Variants in KDM5A observed in about 807,000 individuals in gnomAD.
KDM5A encodes lysine demethylase 5A.
KDM5A carries 42 observed loss-of-function variants against 193.5 expected under a neutral mutation model. The observed-to-expected ratio is 0.22, with a 90% CI of 0.17 to 0.28. KDM5A has a LOEUF of 0.28. Ranked by LOEUF, KDM5A falls within the 10% of genes least tolerant of loss-of-function variation. The probability of loss-of-function intolerance (pLI) is 1.00; values close to 1 mark genes in which losing one functional copy is unlikely to be tolerated. For missense variants in KDM5A, 1,692 were observed against 2,055.1 expected (o/e 0.82, Z 3.42); for synonymous variants, 796 against 718.1 (o/e 1.11, Z -1.73).
Position 357,827 on chromosome 12 carries a change from CAAAAAAA to C in KDM5A, c.673-1297_673-1291del, listed in dbSNP as rs61577928. On this transcript the variant is annotated intron_variant, in intron 5 of 27. Transcript: ENST00000399788. ...TGGGCGACAGAGCAAGACTCAGTCTCAAAAAAAAAAAAAAAAAAAAAAAAAAAGCCCT... is the reference window on the plus strand; with the variant it reads ...TGGGCGACAGAGCAAGACTCAGTCTCAAAAAAAAAAAAAAAAAAAAGCCCT... Among the ~76,000 whole-genome samples the C allele has an allele frequency of 6.3e-3, 187 of 29,854 alleles. 2 individuals are homozygous for C. Among genetic ancestry groups the C allele is most frequent in the African/African-American group, 0.023 (113 of 4,972 alleles). 19.6% of individuals were successfully genotyped at this position (29,854 alleles called of 152,430 possible).
intron 3 of KDM5A, among the ~76,000 whole-genome samples, chr12:371,524 G>A (rs1027328921): frequency 6.6e-6 from 1 of 152,102 alleles, no homozygotes; most frequent in South Asian, 2.1e-4. Context: ...CAGATGAGTA[G>A]ACTGCAAAAA....
chr12:299,107 A>C (rs957732020), intron 24 of KDM5A, among the ~76,000 whole-genome samples: 16 of 152,164 alleles, frequency 1.1e-4, no homozygotes, highest in African/African-American at 3.9e-4. Context: ...GAATGGAACC[A>C]ACTTGAAAAA....
chr12:311,877 T>C (rs919058884), intron 20 of KDM5A, among the ~76,000 whole-genome samples: 3 of 152,062 alleles, frequency 2.0e-5, no homozygotes, highest in African/African-American at 4.8e-5. Flanking sequence ...CTACCAAAAA[T>C]ACAAAAATTA....
intron 8 of KDM5A, among the ~76,000 whole-genome samples, chr12:352,991 A>G: frequency 6.6e-6 from 1 of 152,176 alleles, no homozygotes; most frequent in East Asian, 1.9e-4. Flanking sequence ...CAATGACAAC[A>G]CTGTAAGCTT....
intron 3 of KDM5A, among the ~76,000 whole-genome samples, chr12:380,795 A>G (rs1373900556): frequency 2.0e-5 from 3 of 151,390 alleles, no homozygotes; most frequent in Admixed American, 6.6e-5. Flanking sequence ...ATAATTTTTG[A>G]AAAAAAAATT....
rs757659002 is a variant in KDM5A at position 309,956 on chromosome 12, G to A, written c.3225C>T (p.Ser1075=). 4 of 1,612,188 alleles carry A rather than the reference G, an allele frequency of 2.5e-6. No individual in the cohort carries two copies. Among genetic ancestry groups the A allele is most frequent in the Admixed American group, 3.4e-5 (2 of 59,624 alleles). The change falls in exon 22 of 28, where the codon AGC becomes AGT. Residue 1075 remains serine (S), a synonymous_variant. Transcript: ENST00000399788. ...CATATACACCAATGTCGGTCCGGGG[G>A]CTCAGCACCTACAAAAATAAAACCA... The part of the protein sequence containing the change: ...NSSHTLLQVL[S]PRTDIGVYGS...
chr12:346,999 C>T (rs1247169836), intron 10 of KDM5A, among the ~76,000 whole-genome samples: 2 of 152,116 alleles, frequency 1.3e-5, no homozygotes, highest in Non-Finnish European at 1.5e-5. Context: ...GATGACATGA[C>T]TGTATATTTA....
At chr12:377,676 T>G (rs932834555) in intron 3 of KDM5A, among the ~76,000 whole-genome samples, 3 of 152,190 alleles carry the variant, frequency 2.0e-5, no homozygotes, top group Non-Finnish European at 4.4e-5. Context: ...CTAAAAAATG[T>G]ATATCCCATT....
intron 10 of KDM5A, among the ~76,000 whole-genome samples, chr12:336,990 T>C (rs974024874): frequency 9.2e-5 from 14 of 152,178 alleles, no homozygotes; most frequent in African/African-American, 3.4e-4. Flanking sequence ...CCAAATCTCA[T>C]GTTGAATTGG....
At chr12:324,867 C>A (rs1421655462) in intron 14 of KDM5A, among the ~76,000 whole-genome samples, 8 of 150,136 alleles carry the variant, frequency 5.3e-5, no homozygotes, top group Non-Finnish European at 8.9e-5. Flanking sequence ...AGCGAGACTC[C>A]ATCTCAAAAA....
rs377271333 is a variant in KDM5A, at chr12:330,085, G to GTGTGTATATA, written c.1774-1057_1774-1056insTATATACACA. ...TGTGTGTGTGTGTGTGTGTGTGTGT[G>GTGTGTATATA]TATATATATATATCTTATGATTAGC... On this transcript the variant is annotated intron_variant, in intron 13 of 27. Transcript: ENST00000399788. Among the ~76,000 whole-genome samples the GTGTGTATATA allele has an allele frequency of 2.1e-3, 288 of 139,358 alleles. 3 individuals are homozygous for GTGTGTATATA. Among genetic ancestry groups the GTGTGTATATA allele is most frequent in the African/African-American group, 4.7e-3 (176 of 37,254 alleles). The allele number at this position is 139,358 out of a possible 152,430, so 91.4% of individuals were successfully genotyped here. A position where few individuals can be genotyped will look rare whatever the true frequency, so the allele number is the denominator to read the frequency against.
intron 10 of KDM5A, among the ~76,000 whole-genome samples, chr12:334,867 G>C (rs1028145385): frequency 2.0e-5 from 3 of 152,148 alleles, no homozygotes; most frequent in African/African-American, 7.2e-5. Context: ...AGACTGACAT[G>C]ATGCAGAAAG....
At chr12:364,897 T>C (rs1269442355) in intron 4 of KDM5A, among the ~76,000 whole-genome samples, 1 of 152,196 alleles carries the variant, frequency 6.6e-6, no homozygotes, top group East Asian at 1.9e-4. Context: ...CTCAAAGACT[T>C]GTCTATGAAT....
chr12:350,850 G>A, intron 9 of KDM5A, 71 bp from the exon 10 acceptor site: 1 of 1,350,752 alleles, frequency 7.4e-7, no homozygotes, highest in Non-Finnish European at 1.1e-6. Context: ...ATAATACACA[G>A]GATCAAGTAA....
At chr12:365,801 A>G (rs1944349757) in intron 4 of KDM5A, 133 bp downstream of exon 4, 1 of 713,482 alleles carries the variant, frequency 1.4e-6, no homozygotes, top group African/African-American at 1.8e-5. Flanking sequence ...AACAGCTATG[A>G]TTTTTACACT....
chr12:296,278 C>T lies in KDM5A; in HGVS notation c.4235-485G>A, dbSNP rs190950528. Among the ~76,000 whole-genome samples, 579 of 150,164 alleles carry T rather than the reference C, an allele frequency of 3.9e-3. 1 individual carries two copies. Among genetic ancestry groups the T allele is most frequent in the African/African-American group, 0.013 (538 of 40,792 alleles). On this transcript the variant is annotated intron_variant, in intron 25 of 27. Transcript: ENST00000399788. ...GGGAGGTTGCAGTGAGCCAAGATCA[C>T]GCCATTGCACTCCAGCCTGGGCAAC...
intron 27 of KDM5A, among the ~76,000 whole-genome samples, chr12:286,976 A>G (rs150998958): frequency 1.1e-4 from 16 of 152,246 alleles, no homozygotes; most frequent in African/African-American, 3.6e-4. Flanking sequence ...GAGTGACTCA[A>G]TTTCCTCATC....
At chr12:315,710 G>A (rs1943643768) in intron 19 of KDM5A, among the ~76,000 whole-genome samples, 1 of 152,112 alleles carries the variant, frequency 6.6e-6, no homozygotes, top group African/African-American at 2.4e-5. Context: ...GGATAAAGAA[G>A]AAGGGAAGAG....
intron 19 of KDM5A, among the ~76,000 whole-genome samples, chr12:317,842 C>T (rs760779111): frequency 3.3e-5 from 5 of 152,142 alleles, no homozygotes; most frequent in Non-Finnish European, 7.3e-5. Context: ...TGCCACTGAC[C>T]TGCACCTCTC....
Sources: allele counts gnomAD v4.1 joint callset (sites outside exome capture counted in the v4.1 genomes callset), GRCh38; gene constraint gnomAD v4.1.1; transcripts MANE v1.5; gene names NCBI Gene and HGNC (gene_info 2026-07-23, HGNC 2026-07-21).